The following CAPN12 variants were observed in gnomAD, a reference collection of about 807,000 sequenced individuals.
CAPN12 encodes calpain-12.
In CAPN12, 107 loss-of-function variants were observed where a neutral mutation model predicts 95.0. That is an observed-to-expected ratio of 1.13 (90% CI 0.96 to 1.32). The LOEUF (loss-of-function observed/expected upper bound fraction) is 1.32. Among genes scored for constraint, CAPN12 ranks in the 40% most tolerant of loss-of-function variants. The pLI is 0.00. For missense variants in CAPN12, 1,136 were observed against 997.8 expected, an observed-to-expected ratio of 1.14 and a Z score of -1.87; for synonymous variants, 505 against 415.5, an observed-to-expected ratio of 1.22 and a Z score of -2.62.
At position 38,741,715 on chromosome 19, in the gene CAPN12, C is replaced by T. The variant is rs1159191145; in HGVS notation, c.560+62G>A. On this transcript the variant is annotated intron_variant, in intron 4 of 20. Coordinates refer to ENST00000328867, the MANE Select transcript of CAPN12 (RefSeq NM_144691.4). Reference sequence around the variant, plus strand: ...AGAGCTTGGGGGACTCTGGGTCCCCCTGTGGCTTGATGCCTGCTGTGGGGA... The same window carrying T: ...AGAGCTTGGGGGACTCTGGGTCCCCTTGTGGCTTGATGCCTGCTGTGGGGA... 10 of 1,595,090 alleles carry T rather than the reference C, an allele frequency of 6.3e-6. No individual in the cohort carries two copies. In the East Asian group the frequency reaches 2.0e-4, roughly 32 times the overall value.
At position 38,743,083 on chromosome 19, in the gene CAPN12, T is replaced by A. The variant is rs375410506; in HGVS notation, c.257A>T (p.Lys86Met). The change falls in exon 2 of 21, where the codon AAG becomes ATG. Residue 86 changes from lysine (K) to methionine (M), a missense_variant. Coordinates refer to ENST00000328867, the MANE Select transcript of CAPN12 (RefSeq NM_144691.4). The part of the protein sequence containing the change: ...MRPHEFCAEP[K>M]FICEDMSRTD... The stretch of plus-strand genomic sequence containing the variant: ...GCGGCTCATGTCTTCACAGATGAAC[T>A]TCGGCTCAGCACAGAACTCCTGTGG... 56 of 1,613,880 alleles carry A rather than the reference T, an allele frequency of 3.5e-5. No individual in the cohort carries two copies. The East Asian group carries it at 1.2e-3, about 36-fold the overall frequency.
At chr19:38,733,819 C>T (rs776831479) in intron 17 of CAPN12, 38 bp from the exon 18 acceptor site, 1 of 1,554,884 alleles carries the variant, frequency 6.4e-7, no homozygotes, top group East Asian at 2.2e-5. Context: ...CCCTCCATGC[C>T]CTGAAGAGGG....
chr19:38,738,284 ATCC>A lies in CAPN12; in HGVS notation c.951_953del (p.Glu317del), dbSNP rs1173968813. ...CCTGACGAACTGACCAGAACTCGCC[ATCC>A]TCCTTTTTCACCAGCAGGGCATCGC... On this transcript the variant is annotated inframe_deletion, in exon 8 of 21. Transcript: ENST00000328867. 5.0e-6 allele frequency: 8 copies of A among 1,611,804 alleles called. No homozygotes were observed. Among genetic ancestry groups the A allele is most frequent in the African/African-American group, 1.3e-5 (1 of 74,808 alleles).
At chr19:38,732,238 CCTGT>C (rs1247508383) in intron 18 of CAPN12, among the ~76,000 whole-genome samples, 5 of 152,374 alleles carry the variant, frequency 3.3e-5, no homozygotes, top group Admixed American at 1.3e-4. Context: ...CACCTCCACT[CCTGT>C]CTATCTCCGG....
chr19:38,738,790 G>A (rs1568791310), intron 5 of CAPN12, 142 bp from the exon 6 acceptor site: 2 of 687,596 alleles, frequency 2.9e-6, no homozygotes, highest in South Asian at 3.5e-5. Flanking sequence ...CCATGTCAGG[G>A]TTAGTGACTG....
At chr19:38,735,118 C>T in intron 14 of CAPN12, 1 of 604,808 alleles carries the variant, frequency 1.7e-6, no homozygotes, top group Non-Finnish European at 2.9e-6. Context: ...GGGCTGGGCA[C>T]CTTAGATGAG....
Position 38,730,760 on chromosome 19 carries a change from A to G in CAPN12, c.*92T>C. On this transcript the variant is annotated 3_prime_UTR_variant, in exon 21 of 21. Coordinates refer to ENST00000328867, the MANE Select transcript of CAPN12 (RefSeq NM_144691.4). ...GACTAGCCCCAGACAGGTGGATGCC[A>G]GAGAGAGTGGCACCCATGCCAGGCA... is the stretch of plus-strand genomic sequence containing the variant. The G allele has an allele frequency of 4.7e-6, 7 of 1,482,830 alleles. No individual in the cohort carries two copies. Among genetic ancestry groups the G allele is most frequent in the Non-Finnish European group, 6.4e-6 (7 of 1,089,970 alleles). The allele number at this position is 1,482,830 out of a possible 1,614,324, so 91.9% of individuals were successfully genotyped here.
At chr19:38,732,856 A>G (rs980630812) in intron 18 of CAPN12, among the ~76,000 whole-genome samples, 2 of 152,058 alleles carry the variant, frequency 1.3e-5, no homozygotes, top group African/African-American at 2.4e-5. Flanking sequence ...TCCCCTCCAC[A>G]TGAGGGTCAC....
In CAPN12 at chr19:38,731,266, C is replaced by G. The variant is rs771654094; in HGVS notation, c.1958-43G>C. Reference sequence around the variant, plus strand: ...CTGAGCCCAGTGGCCCACAGGGAACCCACCTTGGCATTGCATCCCCACCCC... The same window carrying G: ...CTGAGCCCAGTGGCCCACAGGGAACGCACCTTGGCATTGCATCCCCACCCC... On this transcript the variant is annotated intron_variant, in intron 18 of 20. Coordinates refer to ENST00000328867, the MANE Select transcript of CAPN12 (RefSeq NM_144691.4). 8 of 1,523,916 alleles carry G rather than the reference C, an allele frequency of 5.2e-6. No homozygotes were observed. The South Asian group carries it at 9.0e-5, about 17-fold the overall frequency. 94.4% of individuals were successfully genotyped at this position (1,523,916 alleles called of 1,614,324 possible).
chr19:38,736,467 T>TTTTACCAAGCCCCAGGGCAGG, intron 11 of CAPN12, 85 bp downstream of exon 11: 1 of 1,422,232 alleles, frequency 7.0e-7, no homozygotes, highest in Non-Finnish European at 9.6e-7. Flanking sequence ...CCCAGGGCAG[T>TTTTACCAAGCCCCAGGGCAGG]TTGACCAAGC....
Position 38,731,011 on chromosome 19 carries a change from T to G in CAPN12, c.2087A>C (p.Gln696Pro). The change falls in exon 20 of 21, where the codon CAG becomes CCG. Residue 696 changes from glutamine (Q) to proline (P), a missense_variant. Transcript: ENST00000328867. ...HLTCIFCHCS[Q>P]HLDGGEGVIC... ...GACCCCCTCACCCCCATCCAGGTGC[T>G]GGCTGCAGTGGCCTGTGCAGAGAGG... 2 of 1,553,002 alleles carry G rather than the reference T, an allele frequency of 1.3e-6. No individual in the cohort carries two copies.
intron 2 of CAPN12, 85 bp downstream of exon 2, chr19:38,742,948 A>AGTGG: frequency 3.3e-6 from 4 of 1,225,572 alleles, no homozygotes; most frequent in Non-Finnish European, 2.4e-6. Flanking sequence ...AGGGGCCGGG[A>AGTGG]GTGGGTGGAC....
In CAPN12 at chr19:38,730,229, TATATAA is replaced by T. The variant is rs1969470795; in HGVS notation, c.*617_*622del. The T allele has an allele frequency of 6.4e-6, 1 of 157,244 alleles. No homozygotes were observed. Among genetic ancestry groups the T allele is most frequent in the Non-Finnish European group, 1.4e-5 (1 of 70,912 alleles). The allele number at this position is 157,244 out of a possible 1,614,324, so 9.7% of individuals were successfully genotyped here. A position where few individuals can be genotyped will look rare whatever the true frequency, so the allele number is the denominator to read the frequency against. The stretch of plus-strand genomic sequence containing the variant: ...TTACTTTATTAACTTACGGATTTAT[TATATAA>T]ATATATATTCACCTAGCAACATATC... On this transcript the variant is annotated 3_prime_UTR_variant, in exon 21 of 21. Transcript: ENST00000328867.
At chr19:38,740,027 C>T (rs376011434) in intron 5 of CAPN12, 24 bp downstream of exon 5, 111 of 1,531,352 alleles carry the variant, frequency 7.2e-5, no homozygotes, top group East Asian at 7.0e-5. Flanking sequence ...GTGGGGGTTC[C>T]GCATGCGAGT....
rs1464705897 is a variant in CAPN12, at chr19:38,731,108, G to A, written c.2073C>T (p.Phe691=). ...VSCVAHLTCI[F]CHCSQHLDGG... ...CCACCATGCCGGGGTGGTACTCACA[G>A]AAGATGCAGGTGAGGTGGGCCACAC... The change falls in exon 19 of 21, where the codon TTC becomes TTT. Residue 691 remains phenylalanine, a splice_region_variant and synonymous_variant. Transcript: ENST00000328867. The A allele has an allele frequency of 1.2e-6, 2 of 1,610,624 alleles. No individual in the cohort carries two copies. The highest frequency in any genetic ancestry group is 1.7e-6 in the Non-Finnish European group (2 of 1,179,072).
At chr19:38,731,428 G>A (rs183507066) in intron 18 of CAPN12, 586 of 604,454 alleles carry the variant, frequency 9.7e-4, no homozygotes, top group Middle Eastern at 1.8e-3. Flanking sequence ...AGACAGCCCC[G>A]ACCCCATAGG....
chr19:38,733,525 C>T, intron 18 of CAPN12, 178 bp downstream of exon 18: 1 of 580,428 alleles, frequency 1.7e-6, no homozygotes, highest in Non-Finnish European at 3.0e-6. Flanking sequence ...CCTTCTCCTT[C>T]CTTATTTGGC....
intron 4 of CAPN12, among the ~76,000 whole-genome samples, chr19:38,740,756 C>T (rs1320544489): frequency 4.0e-5 from 6 of 151,148 alleles, no homozygotes; most frequent in Admixed American, 2.6e-4. Context: ...GCCAAGATCA[C>T]GCCATTGCAC....
Position 38,737,548 on chromosome 19 carries a change from G to A in CAPN12, c.1056C>T (p.Gly352=), listed in dbSNP as rs116231396. The change falls in exon 9 of 21, where the codon GGC becomes GGT. Residue 352 remains glycine (G), a synonymous_variant. Transcript: ENST00000328867. The stretch of plus-strand genomic sequence containing the variant: ...CTTGGAAGGTGTGGACGTGCCAGCC[G>A]CCCCCCTCCGGGCTGGGGCCCAGCA... ...PEVLGPSPEG[G]GWHVHTFQGR... 1.4e-3 allele frequency: 2,247 copies of A among 1,612,384 alleles called. 29 individuals carry two copies. The African/African-American group carries it at 0.027, about 19-fold the overall frequency.
Sources: gnomAD v4.1 joint callset for allele counts (sites outside exome capture counted in the v4.1 genomes callset) on GRCh38, gnomAD v4.1.1 for gene constraint, MANE v1.5 for transcripts, NCBI Gene and HGNC (gene_info 2026-07-23, HGNC 2026-07-21) for gene names.